LAMA2: variants seen among roughly 807,000 people sequenced by gnomAD.
LAMA2 encodes the protein laminin subunit alpha 2.
LAMA2 carries 269 observed loss-of-function variants against 364.8 expected under a neutral mutation model. The observed-to-expected ratio is 0.74, with a 90% CI of 0.67 to 0.82. LAMA2 has a LOEUF of 0.82. Ranked by LOEUF, LAMA2 falls within the 40% of genes least tolerant of loss-of-function variation. The pLI is 0.00. For synonymous variants in LAMA2, 1,379 were observed against 1,370.6 expected (o/e 1.01, Z -0.14); for missense variants, 3,807 against 3,873.2 (o/e 0.98, Z 0.45).
intron 4 of LAMA2, among the ~76,000 whole-genome samples, chr6:129,128,336 A>G (rs1777239445): frequency 6.6e-6 from 1 of 152,156 alleles, no homozygotes; most frequent in African/African-American, 2.4e-5. Context: ...CTGGGCTATT[A>G]TGCTGCATTG....
chr6:129,303,667 A>G (rs1417742257), intron 22 of LAMA2, among the ~76,000 whole-genome samples: 1 of 152,194 alleles, frequency 6.6e-6, no homozygotes, highest in Non-Finnish European at 1.5e-5. Context: ...TATTGAGATG[A>G]CCATATGATA....
At chr6:129,414,411 C>T (rs9402127) in intron 40 of LAMA2, among the ~76,000 whole-genome samples, 76,224 of 151,836 alleles carry the variant, frequency 0.5, 19,615 homozygotes, top group African/African-American at 0.62. Context: ...AGAGAAGCTA[C>T]AAATGAAATA....
At chr6:129,268,201 G>A (rs1419381082) in intron 16 of LAMA2, among the ~76,000 whole-genome samples, 1 of 152,006 alleles carries the variant, frequency 6.6e-6, no homozygotes, top group Non-Finnish European at 1.5e-5. Context: ...CTCTATATAA[G>A]ATTTTGTTTA....
chr6:128,884,406 GT>G (rs1182350196), intron 1 of LAMA2, among the ~76,000 whole-genome samples: 1 of 152,140 alleles, frequency 6.6e-6, no homozygotes, highest in Admixed American at 6.5e-5. Context: ...GCTTTTAAAA[GT>G]TTTAATGAGG....
chr6:129,208,767 G>A (rs976887187), intron 12 of LAMA2, among the ~76,000 whole-genome samples: 1 of 150,736 alleles, frequency 6.6e-6, no homozygotes, highest in African/African-American at 2.5e-5. Context: ...GAGGAAGCAG[G>A]GAGGGCAAGG....
At chr6:129,140,143 A>G (rs1778036661) in intron 4 of LAMA2, among the ~76,000 whole-genome samples, 1 of 152,178 alleles carries the variant, frequency 6.6e-6, no homozygotes, top group Non-Finnish European at 1.5e-5. Flanking sequence ...CGTCTATACG[A>G]GAAATCTAAT....
intron 1 of LAMA2, among the ~76,000 whole-genome samples, chr6:128,908,199 C>G (rs1172418111): frequency 6.7e-6 from 1 of 149,040 alleles, no homozygotes; most frequent in Non-Finnish European, 1.5e-5. Flanking sequence ...GGAATAGTTT[C>G]AGAAGGAATG....
At chr6:129,362,807 G>A (rs1777542660) in intron 32 of LAMA2, among the ~76,000 whole-genome samples, 1 of 152,100 alleles carries the variant, frequency 6.6e-6, no homozygotes, top group East Asian at 1.9e-4. Flanking sequence ...AATCATCAGG[G>A]ACTTGCTCTC....
At chr6:129,006,142 T>C (rs1784432570) in intron 1 of LAMA2, among the ~76,000 whole-genome samples, 1 of 152,104 alleles carries the variant, frequency 6.6e-6, no homozygotes, top group Non-Finnish European at 1.5e-5. Context: ...AAATCTATAA[T>C]TGAATAAATA....
Position 129,512,449 on chromosome 6 carries a change from A to T in LAMA2, c.8944A>T (p.Ser2982Cys). ...GACTGGAGTTCTTCTGGGGATCAGT[A>T]GTCAAAAAATGGATGGAATGGGTAT... ...TTTGVLLGISSQKMDGMGIEM... is the reference protein window; with the variant it reads ...TTTGVLLGISCQKMDGMGIEM... Residue 2982 changes from serine to cysteine, a missense_variant, in exon 63 of 65, where the codon AGT becomes TGT. Transcript: ENST00000421865. 1 of 1,613,690 alleles carries T rather than the reference A, an allele frequency of 6.2e-7. No individual in the cohort carries two copies. Among genetic ancestry groups the T allele is most frequent in the Non-Finnish European group, 8.5e-7 (1 of 1,179,614 alleles).
At chr6:128,997,684 A>G (rs546366551) in intron 1 of LAMA2, among the ~76,000 whole-genome samples, 1 of 152,108 alleles carries the variant, frequency 6.6e-6, no homozygotes, top group Admixed American at 6.5e-5. Flanking sequence ...ACTCCCAGCT[A>G]CTCGGGAGGC....
chr6:129,425,499 A>G (rs1781283181), intron 40 of LAMA2, among the ~76,000 whole-genome samples: 3 of 151,876 alleles, frequency 2.0e-5, no homozygotes, highest in South Asian at 2.1e-4. Context: ...AACTCTTGTC[A>G]TGGAGGTTTG....
intron 1 of LAMA2, among the ~76,000 whole-genome samples, chr6:128,931,645 G>A (rs1172044635): frequency 6.6e-6 from 1 of 152,204 alleles, no homozygotes. Context: ...GTCACAGCTT[G>A]TGGGATCAGG....
At chr6:128,921,713 T>TA (rs1554324973) in intron 1 of LAMA2, among the ~76,000 whole-genome samples, 1 of 144,834 alleles carries the variant, frequency 6.9e-6, no homozygotes, top group Non-Finnish European at 1.5e-5. Flanking sequence ...TTTTTTTTTT[T>TA]ATTATTATTA....
At chr6:129,290,639 T>C (rs1424745518) in intron 19 of LAMA2, among the ~76,000 whole-genome samples, 1 of 152,176 alleles carries the variant, frequency 6.6e-6, no homozygotes, top group Non-Finnish European at 1.5e-5. Flanking sequence ...TAAATTCCCA[T>C]GTCATCTCCT....
At chr6:129,225,849 T>C (rs1444661923) in intron 12 of LAMA2, among the ~76,000 whole-genome samples, 2 of 152,206 alleles carry the variant, frequency 1.3e-5, no homozygotes, top group Admixed American at 1.3e-4. Context: ...GTCTATTAGG[T>C]CCACTTGGTG....
intron 4 of LAMA2, among the ~76,000 whole-genome samples, chr6:129,116,950 G>A (rs1776515953): frequency 6.6e-6 from 1 of 151,908 alleles, no homozygotes; most frequent in African/African-American, 2.4e-5. Context: ...TGGCATACAT[G>A]ACAAAACACA....
intron 1 of LAMA2, among the ~76,000 whole-genome samples, 200 bp from the exon 2 acceptor site, chr6:129,049,718 C>T (rs1298565976): frequency 6.6e-6 from 1 of 152,004 alleles, no homozygotes; most frequent in Non-Finnish European, 1.5e-5. Flanking sequence ...ATACTTAAGA[C>T]CCAGAAAGAA....
At chr6:129,432,601 C>G (rs913391680) in intron 41 of LAMA2, among the ~76,000 whole-genome samples, 3 of 152,292 alleles carry the variant, frequency 2.0e-5, no homozygotes, top group Admixed American at 1.3e-4. Flanking sequence ...ACAGAAATGC[C>G]TTCAAGAGAC....
Sources: allele counts gnomAD v4.1 joint callset (sites outside exome capture counted in the v4.1 genomes callset), GRCh38; gene constraint gnomAD v4.1.1; transcripts MANE v1.5; gene names NCBI Gene and HGNC (gene_info 2026-07-23, HGNC 2026-07-21).